Variants in CDK5RAP2 observed in about 807,000 individuals in gnomAD.
The protein encoded by CDK5RAP2 is CDK5 regulatory subunit associated protein 2.
Under a neutral mutation model 232.9 loss-of-function variants are expected in CDK5RAP2, and 147 were observed. That is an observed-to-expected ratio of 0.63 (90% confidence interval 0.55 to 0.72). The LOEUF (loss-of-function observed/expected upper bound fraction) is 0.72, where lower values mean the gene tolerates loss of function less well. Ranked by LOEUF, CDK5RAP2 falls within the 30% of genes least tolerant of loss-of-function variation. The probability of loss-of-function intolerance (pLI) is 0.00; values close to 1 mark genes in which losing one functional copy is unlikely to be tolerated. For synonymous variants in CDK5RAP2, 833 were observed against 833.7 expected (o/e 1.00, Z 0.01); for missense variants, 2,195 against 2,231.5 (o/e 0.98, Z 0.33).
Position 120,437,538 on chromosome 9 carries a change from A to G in CDK5RAP2, c.3723-11T>C. 5 of 1,593,226 alleles carry G rather than the reference A, an allele frequency of 3.1e-6. No individual in the cohort carries two copies. The highest frequency in any genetic ancestry group is 4.3e-6 in the Non-Finnish European group (5 of 1,160,952). ...ACTAATGAATCGTATCTGATAAAAG[A>G]GGGGAAAGAAAATACTTGGACCATT... On this transcript the variant is annotated splice_polypyrimidine_tract_variant and intron_variant, in intron 24 of 37. Coordinates refer to ENST00000349780, the MANE Select transcript of CDK5RAP2 (RefSeq NM_018249.6).
rs111605869 is a variant in CDK5RAP2, at chr9:120,431,986, C to T, written c.3955+5309G>A. The stretch of plus-strand genomic sequence containing the variant: ...AGGTTTCCAGATCCCTAGTGGAATC[C>T]CTAGTTTAATGGAGCCAAGGGAGAG... On this transcript the variant is annotated intron_variant, in intron 25 of 37. Transcript: ENST00000349780. Among the ~76,000 whole-genome samples the T allele has an allele frequency of 1.5e-3, 224 of 152,226 alleles. 1 individual carries two copies. Among genetic ancestry groups the T allele is most frequent in the African/African-American group, 5.2e-3 (217 of 41,546 alleles).
chr9:120,553,939 GT>G (rs1217489250), intron 3 of CDK5RAP2, among the ~76,000 whole-genome samples: 1 of 151,994 alleles, frequency 6.6e-6, no homozygotes, highest in African/African-American at 2.4e-5. Context: ...ATTTTTTAAA[GT>G]TTTTAAAGTC....
At chr9:120,521,791 G>A (rs187673041) in intron 11 of CDK5RAP2, among the ~76,000 whole-genome samples, 1,588 of 151,520 alleles carry the variant, frequency 0.01, 27 homozygotes, top group African/African-American at 0.036. Flanking sequence ...GACTACAGGC[G>A]CCCACCACCA....
chr9:120,470,110 C>T lies in CDK5RAP2; in HGVS notation c.1968+1G>A. 1.4e-6 allele frequency: 2 copies of T among 1,447,706 alleles called. No individual in the cohort carries two copies. Among genetic ancestry groups the T allele is most frequent in the East Asian group, 2.3e-5 (1 of 43,938 alleles). The allele number at this position is 1,447,706 out of a possible 1,614,324, so 89.7% of individuals were successfully genotyped here. ...AGCACTAAAAATTAATAGGTCAATACCTTTTTCTTAAGTTCTTCTTGAGAA... is the reference window on the plus strand; with the variant it reads ...AGCACTAAAAATTAATAGGTCAATATCTTTTTCTTAAGTTCTTCTTGAGAA... On this transcript the variant is annotated splice_donor_variant, in intron 17 of 37. Transcript: ENST00000349780. LOFTEE classifies it high-confidence loss of function.
intron 3 of CDK5RAP2, among the ~76,000 whole-genome samples, chr9:120,552,699 G>A (rs555160658): frequency 8.7e-6 from 1 of 114,468 alleles, no homozygotes; most frequent in Non-Finnish European, 1.7e-5. Context: ...GTTGTGGGGT[G>A]GGGGGAGGGG....
intron 36 of CDK5RAP2, among the ~76,000 whole-genome samples, chr9:120,392,356 G>A (rs1040079947): frequency 6.6e-6 from 1 of 152,194 alleles, no homozygotes; most frequent in African/African-American, 2.4e-5. Context: ...GGTCACATAG[G>A]AGAATGGAGA....
chr9:120,568,255 G>T, intron 3 of CDK5RAP2, 66 bp downstream of exon 3: 1 of 1,246,342 alleles, frequency 8.0e-7, no homozygotes, highest in Non-Finnish European at 1.2e-6. Context: ...CAGCTTTCCT[G>T]GGTCTGGCTG....
intron 34 of CDK5RAP2, among the ~76,000 whole-genome samples, chr9:120,402,030 G>A (rs1415598428): frequency 2.0e-5 from 3 of 151,880 alleles, no homozygotes; most frequent in African/African-American, 7.3e-5. Context: ...GATAGCTGAC[G>A]CCTGTAATCC....
At chr9:120,397,573 GAAAA>G (rs1234266305) in intron 35 of CDK5RAP2, among the ~76,000 whole-genome samples, 1 of 86,452 alleles carries the variant, frequency 1.2e-5, no homozygotes, top group African/African-American at 5.2e-5. Flanking sequence ...AAAGAAAAAA[GAAAA>G]AAAAAAAAGC....
intron 36 of CDK5RAP2, chr9:120,390,070 C>T (rs2031792446): frequency 4.7e-6 from 2 of 425,270 alleles, no homozygotes; most frequent in African/African-American, 2.0e-5. Flanking sequence ...TCAGAGAACA[C>T]CCTACAGCTG....
intron 5 of CDK5RAP2, among the ~76,000 whole-genome samples, chr9:120,545,512 C>G (rs888518918): frequency 6.6e-6 from 1 of 152,182 alleles, no homozygotes; most frequent in Non-Finnish European, 1.5e-5. Flanking sequence ...ACGCTGTACA[C>G]TTAAGATCTG....
intron 17 of CDK5RAP2, among the ~76,000 whole-genome samples, chr9:120,468,688 C>T (rs1393772555): frequency 1.3e-5 from 2 of 152,202 alleles, no homozygotes; most frequent in Non-Finnish European, 2.9e-5. Flanking sequence ...TTAAATGAGA[C>T]AGAACAATGG....
intron 15 of CDK5RAP2, among the ~76,000 whole-genome samples, chr9:120,477,032 T>G (rs1258452842): frequency 1.3e-5 from 2 of 152,218 alleles, no homozygotes; most frequent in Non-Finnish European, 2.9e-5. Context: ...AGAAAGGCTG[T>G]GAGGATCATA....
rs1277015868 is a variant in CDK5RAP2, at chr9:120,518,551, C to A, written c.1187G>T (p.Arg396Ile). The change falls in exon 12 of 38, where the codon AGA (arginine) becomes ATA (isoleucine). Residue 396 changes from arginine to isoleucine, a missense_variant. Coordinates refer to ENST00000349780, the MANE Select transcript of CDK5RAP2 (RefSeq NM_018249.6). The part of the protein sequence containing the change: ...QNLTKSTENH[R>I]LRRSIKKITQ... ...GATCTTCTTAATGCTTCTACGCAGT[C>A]TGTGGTTCTCTGTACTCTTGGTGAG... is the stretch of plus-strand genomic sequence containing the variant. The A allele has an allele frequency of 6.2e-7, 1 of 1,613,744 alleles. No individual in the cohort carries two copies. Among genetic ancestry groups the A allele is most frequent in the Non-Finnish European group, 8.5e-7 (1 of 1,180,004 alleles).
rs1044466883 is a variant in CDK5RAP2, at chr9:120,568,476, A to G, written c.128-88T>C. On this transcript the variant is annotated intron_variant, in intron 2 of 37. Transcript: ENST00000349780. ...GGAATAGAGCACAGAGAGGAAAACA[A>G]CACGAACTGCTTCCACAGTACACGC... The G allele has an allele frequency of 3.2e-6, 3 of 927,210 alleles. No individual in the cohort carries two copies. The African/African-American group carries it at 4.9e-5, about 15-fold the overall frequency. The allele number at this position is 927,210 out of a possible 1,614,324, so 57.4% of individuals were successfully genotyped here. A position where few individuals can be genotyped will look rare whatever the true frequency, so the allele number is the denominator to read the frequency against.
At chr9:120,470,825 G>T (rs2037661759) in intron 16 of CDK5RAP2, among the ~76,000 whole-genome samples, 1 of 151,972 alleles carries the variant, frequency 6.6e-6, no homozygotes, top group South Asian at 2.1e-4. Flanking sequence ...GGGAAGATGT[G>T]TGTATATGTG....
At chr9:120,516,819 ACT>A (rs1234254994) in intron 12 of CDK5RAP2, among the ~76,000 whole-genome samples, 1 of 151,966 alleles carries the variant, frequency 6.6e-6, no homozygotes, top group Non-Finnish European at 1.5e-5. Flanking sequence ...ACACTGTGAA[ACT>A]CTGTCCCAAA....
rs988658310 is a variant in CDK5RAP2 at position 120,455,793 on chromosome 9, C to T, written c.2376-1920G>A. On this transcript the variant is annotated intron_variant, in intron 20 of 37. Transcript: ENST00000349780. Reference sequence around the variant, plus strand: ...TGGCTGCTGCTGCATAGAGAATGGACGGAGAGGCCTTGCACACAAGGAGCT... The same window carrying T: ...TGGCTGCTGCTGCATAGAGAATGGATGGAGAGGCCTTGCACACAAGGAGCT... 1.5e-4 allele frequency among the ~76,000 whole-genome samples: 23 copies of T among 151,396 alleles called. No homozygotes were observed. The South Asian group carries it at 2.3e-3, about 15-fold the overall frequency.
intron 25 of CDK5RAP2, 70 bp downstream of exon 25, chr9:120,437,225 C>T: frequency 9.1e-7 from 1 of 1,103,788 alleles, no homozygotes; most frequent in South Asian, 1.3e-5. Context: ...GTTAGCTCCT[C>T]CTGTGCCCCT....
Sources: gnomAD v4.1 joint callset for allele counts (sites outside exome capture counted in the v4.1 genomes callset) on GRCh38, gnomAD v4.1.1 for gene constraint, MANE v1.5 for transcripts, NCBI Gene and HGNC (gene_info 2026-07-23, HGNC 2026-07-21) for gene names.